Variants in TRPC5 observed in about 807,000 individuals in gnomAD.
TRPC5 encodes the protein transient receptor potential cation channel subfamily C member 5, also known as short transient receptor potential channel 5.
Under a neutral mutation model 56.5 loss-of-function variants are expected in TRPC5, and 9 were observed. The observed-to-expected ratio is 0.16, with a 90% CI of 0.10 to 0.28. The LOEUF is 0.28. TRPC5 is among the 10% of genes least tolerant of loss of function. The probability of loss-of-function intolerance (pLI) is 1.00; values close to 1 mark genes in which losing one functional copy is unlikely to be tolerated. For synonymous variants in TRPC5, 282 were observed against 278.5 expected (o/e 1.01, Z -0.13); for missense variants, 469 against 748.9 (o/e 0.63, Z 4.36).
intron 7 of TRPC5, among the ~76,000 whole-genome samples, chrX:111,792,984 A>G (rs1946034307): frequency 8.9e-6 from 1 of 112,017 alleles, no homozygotes; most frequent in Non-Finnish European, 1.9e-5. Flanking sequence ...AGGTATGGCA[A>G]ACAGGAACTA....
chrX:112,029,318 A>G (rs1215008950), intron 1 of TRPC5, among the ~76,000 whole-genome samples: 1 of 112,342 alleles, frequency 8.9e-6, no homozygotes, highest in Non-Finnish European at 1.9e-5. Context: ...TGCAAATGGC[A>G]GGATCTCATT....
chrX:112,023,255 T>G (rs1036035001), intron 1 of TRPC5, among the ~76,000 whole-genome samples: 28 of 84,907 alleles, frequency 3.3e-4, no homozygotes, highest in African/African-American at 7.1e-4. Flanking sequence ...TGTTTTTTTT[T>G]TTTTTTTTTT....
chrX:111,963,574 C>A (rs958930592), intron 1 of TRPC5, among the ~76,000 whole-genome samples: 4 of 111,966 alleles, frequency 3.6e-5, no homozygotes, highest in African/African-American at 6.5e-5. Context: ...AGGCACCCCC[C>A]AGTAGGGACA....
intron 7 of TRPC5, among the ~76,000 whole-genome samples, chrX:111,798,667 G>T (rs1921193266): frequency 9.0e-6 from 1 of 111,281 alleles, no homozygotes; most frequent in Non-Finnish European, 1.9e-5. Context: ...AAAAAAAAAA[G>T]GAAATTTGTG....
chrX:112,078,423 C>T (rs1930887244), intron 1 of TRPC5, among the ~76,000 whole-genome samples: 1 of 112,004 alleles, frequency 8.9e-6, no homozygotes, highest in Non-Finnish European at 1.9e-5. Flanking sequence ...GCAAACAGTA[C>T]TGGGTTGTGG....
intron 1 of TRPC5, among the ~76,000 whole-genome samples, chrX:111,997,307 A>C (rs954049087): frequency 9.0e-6 from 1 of 111,515 alleles, no homozygotes; most frequent in African/African-American, 3.3e-5. Context: ...TCTTTTCTTT[A>C]AGAATGTTGA....
chrX:111,830,411 GT>G (rs1261500129), intron 7 of TRPC5, among the ~76,000 whole-genome samples: 3 of 112,004 alleles, frequency 2.7e-5, no homozygotes, highest in Non-Finnish European at 3.8e-5. Flanking sequence ...GCATGATTGT[GT>G]TTTAAAAATG....
Position 111,967,285 on chromosome X carries a change from C to A in TRPC5, c.-21-14844G>T, listed in dbSNP as rs1199081366. ...TCCAACTTACAAGGGATGTGAAGGACCTCTTCAAGGAGAACTACAAACCAC... is the reference window on the plus strand; with the variant it reads ...TCCAACTTACAAGGGATGTGAAGGAACTCTTCAAGGAGAACTACAAACCAC... On this transcript the variant is annotated intron_variant, in intron 1 of 10. Coordinates refer to ENST00000262839, the MANE Select transcript of TRPC5 (RefSeq NM_012471.3). Among the ~76,000 whole-genome samples, 26 of 110,794 alleles carry A rather than the reference C, an allele frequency of 2.3e-4. 1 individual carries two copies. The highest frequency in any genetic ancestry group is 3.9e-4 in the South Asian group (1 of 2,591).
At chrX:112,074,664 C>T (rs929643189) in intron 1 of TRPC5, among the ~76,000 whole-genome samples, 5 of 111,561 alleles carry the variant, frequency 4.5e-5, no homozygotes, top group African/African-American at 1.3e-4. Flanking sequence ...TGATGCCCTA[C>T]TTGGCCACAC....
intron 1 of TRPC5, among the ~76,000 whole-genome samples, chrX:111,993,798 A>G (rs1928436039): frequency 8.9e-6 from 1 of 112,019 alleles, no homozygotes; most frequent in Non-Finnish European, 1.9e-5. Context: ...GATTCTGGCT[A>G]TTAGCCCTTT....
At chrX:111,935,078 A>G (rs183485508) in intron 2 of TRPC5, among the ~76,000 whole-genome samples, 30 of 111,948 alleles carry the variant, frequency 2.7e-4, no homozygotes, top group African/African-American at 9.4e-4. Context: ...ACTAATTTAC[A>G]TTCCCACCAA....
intron 3 of TRPC5, among the ~76,000 whole-genome samples, chrX:111,866,289 A>G (rs1261819253): frequency 8.8e-6 from 1 of 113,733 alleles, no homozygotes; most frequent in East Asian, 2.8e-4. Context: ...ATACAAAACT[A>G]TCAACTACCT....
intron 3 of TRPC5, among the ~76,000 whole-genome samples, chrX:111,862,667 G>A (rs1020180120): frequency 8.9e-6 from 1 of 111,873 alleles, no homozygotes; most frequent in Non-Finnish European, 1.9e-5. Context: ...ATATCCATTT[G>A]TCCCGGCACT....
At chrX:111,968,377 G>A (rs1927668898) in intron 1 of TRPC5, among the ~76,000 whole-genome samples, 1 of 111,631 alleles carries the variant, frequency 9.0e-6, no homozygotes, top group Admixed American at 9.5e-5. Flanking sequence ...ACTGTTGGTG[G>A]GACTGTAAAC....
intron 2 of TRPC5, among the ~76,000 whole-genome samples, chrX:111,917,280 C>T (rs1250662149): frequency 8.9e-6 from 1 of 112,207 alleles, no homozygotes; most frequent in Non-Finnish European, 1.9e-5. Context: ...CAAGCCAGCT[C>T]CAAGCACACC....
intron 1 of TRPC5, among the ~76,000 whole-genome samples, chrX:112,068,133 C>A (rs1201470000): frequency 8.9e-6 from 1 of 112,023 alleles, no homozygotes; most frequent in Non-Finnish European, 1.9e-5. Context: ...CCTGCTCCTG[C>A]ACTTTCAAAA....
intron 3 of TRPC5, among the ~76,000 whole-genome samples, chrX:111,864,495 C>T (rs1233517942): frequency 3.6e-5 from 4 of 111,688 alleles, no homozygotes; most frequent in African/African-American, 1.3e-4. Context: ...GGCTTCTTAA[C>T]GAAGTTGACT....
intron 7 of TRPC5, among the ~76,000 whole-genome samples, chrX:111,826,788 TGTTGATGAAGCATCA>T (rs1474703490): frequency 3.6e-5 from 4 of 112,158 alleles, no homozygotes; most frequent in African/African-American, 9.7e-5. Flanking sequence ...ACAATGGGTA[TGTTGATGAAGCATCA>T]GTGATTCTTA....
intron 6 of TRPC5, among the ~76,000 whole-genome samples, chrX:111,837,925 A>G (rs912134532): frequency 2.9e-5 from 3 of 104,885 alleles, no homozygotes; most frequent in African/African-American, 1.0e-4. Context: ...AAAAAAAAAA[A>G]GCCAGGTATG....
Sources: gnomAD v4.1 joint callset for allele counts (sites outside exome capture counted in the v4.1 genomes callset) on GRCh38, gnomAD v4.1.1 for gene constraint, MANE v1.5 for transcripts, NCBI Gene and HGNC (gene_info 2026-07-23, HGNC 2026-07-21) for gene names.